The following COL21A1 variants were observed in gnomAD, a reference collection of about 807,000 sequenced individuals.
The protein encoded by COL21A1 is collagen type XXI alpha 1 chain.
Under a neutral mutation model 137.9 loss-of-function variants are expected in COL21A1, and 149 were observed. The ratio of observed to expected loss-of-function variants is 1.08; its 90% CI spans 0.95 to 1.24. COL21A1 has a LOEUF of 1.24. Among genes scored for constraint, COL21A1 ranks in the 50% most tolerant of loss-of-function variants. The probability of loss-of-function intolerance (pLI) is 0.00; values close to 1 mark genes in which losing one functional copy is unlikely to be tolerated. For synonymous variants in COL21A1, 456 were observed against 391.5 expected (o/e 1.16, Z -1.95); for missense variants, 1,167 against 1,158.4 (o/e 1.01, Z -0.11).
At chr6:56,195,212 C>A (rs4715589) in intron 1 of COL21A1, among the ~76,000 whole-genome samples, 94,768 of 151,504 alleles carry the variant, frequency 0.63, 29,924 homozygotes, top group East Asian at 0.86. Flanking sequence ...TATTCTCTTA[C>A]AAGCAACAGA....
At chr6:56,094,256 T>C (rs1769125473) in intron 17 of COL21A1, among the ~76,000 whole-genome samples, 1 of 152,200 alleles carries the variant, frequency 6.6e-6, no homozygotes, top group Non-Finnish European at 1.5e-5. Flanking sequence ...CTGCAGGACA[T>C]CATTTAGCTA....
intron 1 of COL21A1, among the ~76,000 whole-genome samples, chr6:56,316,499 T>TTTTTTTTA (rs1554182372): frequency 4.1e-5 from 6 of 145,118 alleles, no homozygotes; most frequent in Non-Finnish European, 6.0e-5. Flanking sequence ...TTTTTTTTTT[T>TTTTTTTTA]GAGACAGAGT....
chr6:56,291,522 C>T (rs1167821908), intron 1 of COL21A1, among the ~76,000 whole-genome samples: 1 of 152,210 alleles, frequency 6.6e-6, no homozygotes, highest in Non-Finnish European at 1.5e-5. Flanking sequence ...AAGCTGAGCA[C>T]AAAGTAGTGG....
At chr6:56,310,986 A>T (rs192456583) in intron 1 of COL21A1, among the ~76,000 whole-genome samples, 17 of 152,334 alleles carry the variant, frequency 1.1e-4, no homozygotes, top group African/African-American at 4.1e-4. Flanking sequence ...TAGCAAATTA[A>T]CAGATACTTA....
chr6:56,309,596 G>T (rs1282950988), intron 1 of COL21A1, among the ~76,000 whole-genome samples: 2 of 152,110 alleles, frequency 1.3e-5, no homozygotes, highest in African/African-American at 2.4e-5. Context: ...ACTCCCAGGG[G>T]GGCAGTGACT....
intron 16 of COL21A1, among the ~76,000 whole-genome samples, chr6:56,121,723 T>G (rs753990596): frequency 1.3e-5 from 2 of 151,760 alleles, no homozygotes; most frequent in Non-Finnish European, 2.9e-5. Flanking sequence ...TGGGAGAGCC[T>G]GTGTACAGGG....
intron 1 of COL21A1, among the ~76,000 whole-genome samples, chr6:56,359,019 T>C (rs1475874112): frequency 2.0e-5 from 3 of 151,862 alleles, no homozygotes; most frequent in Admixed American, 6.6e-5. Flanking sequence ...ATCTATAATA[T>C]ATTGAATAAT....
intron 1 of COL21A1, among the ~76,000 whole-genome samples, chr6:56,303,089 ATC>A (rs1244193431): frequency 6.6e-6 from 1 of 152,112 alleles, no homozygotes; most frequent in Non-Finnish European, 1.5e-5. Flanking sequence ...ATTGGTCTAT[ATC>A]TCTGTTTTGG....
At chr6:56,350,620 T>C (rs2206532) in intron 1 of COL21A1, among the ~76,000 whole-genome samples, 54,317 of 152,066 alleles carry the variant, frequency 0.36, 10,510 homozygotes, top group East Asian at 0.72. Flanking sequence ...AGACCTTCCA[T>C]AAGGGGCCTT....
chr6:56,198,660 G>A (rs1779189058), intron 1 of COL21A1, among the ~76,000 whole-genome samples: 3 of 152,042 alleles, frequency 2.0e-5, no homozygotes, highest in Non-Finnish European at 4.4e-5. Context: ...GAAACAAAAA[G>A]TGAAAGGGAG....
intron 16 of COL21A1, among the ~76,000 whole-genome samples, chr6:56,121,082 T>C (rs989630700): frequency 9.2e-5 from 14 of 152,118 alleles, no homozygotes; most frequent in African/African-American, 3.4e-4. Context: ...CTAGAGATCA[T>C]TATGCTAAGT....
chr6:56,326,002 ATATAT>A (rs1765079620), intron 1 of COL21A1, among the ~76,000 whole-genome samples: 1 of 1,090 alleles, frequency 9.2e-4, no homozygotes, highest in African/African-American at 1.9e-3. Flanking sequence ...ATATACATAC[ATATAT>A]TATGTATATG....
Position 56,193,671 on chromosome 6 carries a change from GA to G in COL21A1, c.-38-11016del, listed in dbSNP as rs561443202. On this transcript the variant is annotated intron_variant, in intron 1 of 29. Transcript: ENST00000244728. ...TATTGTCTATAAATTATACTTCAATGAAAAAAAACTAGTCCATTACTGTCAA... is the reference window on the plus strand; with the variant it reads ...TATTGTCTATAAATTATACTTCAATGAAAAAAACTAGTCCATTACTGTCAA... 2.3e-3 allele frequency among the ~76,000 whole-genome samples: 352 copies of G among 151,474 alleles called. 2 individuals carry two copies. The highest frequency in any genetic ancestry group is 7.9e-3 in the African/African-American group (326 of 41,324).
chr6:56,392,143 G>A (rs1018944123), intron 1 of COL21A1, among the ~76,000 whole-genome samples: 2 of 152,058 alleles, frequency 1.3e-5, no homozygotes, highest in Middle Eastern at 3.4e-3. Flanking sequence ...AAAGGATCAC[G>A]CATCATGATC....
In COL21A1 at chr6:56,189,026, T is replaced by G. The variant is rs996911805; in HGVS notation, c.-38-6370A>C. Reference sequence around the variant, plus strand: ...AGATGGGGAGAAACCAGTGCAAAAATGCTGAAAATTCCAAAAACCAGAACA... The same window carrying G: ...AGATGGGGAGAAACCAGTGCAAAAAGGCTGAAAATTCCAAAAACCAGAACA... On this transcript the variant is annotated intron_variant, in intron 1 of 29. Coordinates refer to ENST00000244728, the MANE Select transcript of COL21A1 (RefSeq NM_030820.4). 1.6e-4 allele frequency among the ~76,000 whole-genome samples: 24 copies of G among 151,886 alleles called. 1 individual carries two copies. Among genetic ancestry groups the G allele is most frequent in the Non-Finnish European group, 1.0e-4 (7 of 67,964 alleles).
chr6:56,164,640 C>A, intron 8 of COL21A1, 134 bp from the exon 9 acceptor site: 1 of 870,544 alleles, frequency 1.1e-6, no homozygotes, highest in Non-Finnish European at 1.8e-6. Context: ...TTTTATCTAA[C>A]CCAACCCAAT....
chr6:56,220,523 G>A (rs1382473885), intron 1 of COL21A1, among the ~76,000 whole-genome samples: 6 of 152,046 alleles, frequency 3.9e-5, no homozygotes, highest in African/African-American at 9.7e-5. Flanking sequence ...TATGTTTTAC[G>A]AAAACTTTAT....
chr6:56,390,230 T>G (rs980681528), intron 1 of COL21A1, among the ~76,000 whole-genome samples: 2 of 151,872 alleles, frequency 1.3e-5, no homozygotes, highest in African/African-American at 4.9e-5. Flanking sequence ...TGTGTTTGTT[T>G]GTTTATTTGT....
chr6:56,220,382 A>T (rs1454330293), intron 1 of COL21A1, among the ~76,000 whole-genome samples: 1 of 152,180 alleles, frequency 6.6e-6, no homozygotes, highest in Non-Finnish European at 1.5e-5. Flanking sequence ...TTTGCAAAAA[A>T]GTTAGTCATC....
Sources: gnomAD v4.1 joint callset for allele counts (sites outside exome capture counted in the v4.1 genomes callset) on GRCh38, gnomAD v4.1.1 for gene constraint, MANE v1.5 for transcripts, NCBI Gene and HGNC (gene_info 2026-07-23, HGNC 2026-07-21) for gene names.